The following AMMECR1 variants were observed in gnomAD, a reference collection of about 807,000 sequenced individuals.
The protein encoded by AMMECR1 is AMMECR nuclear protein 1, also known as nuclear protein AMMECR1.
AMMECR1 carries 3 observed loss-of-function variants against 22.5 expected under a neutral mutation model. The ratio of observed to expected loss-of-function variants is 0.13; its 90% CI spans 0.06 to 0.35. The LOEUF (loss-of-function observed/expected upper bound fraction) is 0.35. AMMECR1 is among the 10% of genes least tolerant of loss of function. The pLI, the probability that AMMECR1 is intolerant of heterozygous loss-of-function variation, is 1.00. For missense variants in AMMECR1, 235 were observed against 278.7 expected (o/e 0.84, Z 1.12); for synonymous variants, 130 against 116.7 (o/e 1.11, Z -0.74).
intron 3 of AMMECR1, among the ~76,000 whole-genome samples, chrX:110,212,503 T>C (rs2067452474): frequency 8.9e-6 from 1 of 112,267 alleles, no homozygotes; most frequent in African/African-American, 3.2e-5. Context: ...TAGAAGCTTC[T>C]GTTTGTATAA....
chrX:110,248,255 A>G (rs1216189613), intron 2 of AMMECR1, among the ~76,000 whole-genome samples: 1 of 110,634 alleles, frequency 9.0e-6, no homozygotes, highest in Non-Finnish European at 1.9e-5. Flanking sequence ...GTATAGTGGT[A>G]TGCACCTGTA....
Position 110,381,876 on chromosome X carries a change from A to C in AMMECR1, c.-148+44782T>G, listed in dbSNP as rs1009420331. ...CTATACCTTGGGTACACATGGACAT[A>C]AAGATGAGAACAATAGACATTAAGG... On this transcript the variant is annotated intron_variant, in intron 2 of 7. Coordinates refer to the AMMECR1 transcript ENST00000372057. Among the ~76,000 whole-genome samples the C allele has an allele frequency of 2.7e-5, 3 of 111,338 alleles. No homozygotes were observed. In the Admixed American group the frequency reaches 2.9e-4, roughly 11 times the overall value.
intron 1 of AMMECR1, among the ~76,000 whole-genome samples, chrX:110,294,306 A>G (rs750832661): frequency 2.7e-5 from 3 of 111,869 alleles, no homozygotes; most frequent in South Asian, 7.4e-4. Context: ...CCCTTCCTCA[A>G]TCATGTACAG....
At chrX:110,252,209 A>G in intron 2 of AMMECR1, among the ~76,000 whole-genome samples, 1 of 111,260 alleles carries the variant, frequency 9.0e-6, no homozygotes, top group Non-Finnish European at 1.9e-5. Context: ...TCACAACTAG[A>G]ACCCAGATAT....
At chrX:110,292,562 G>T (rs2067914411) in intron 1 of AMMECR1, among the ~76,000 whole-genome samples, 1 of 112,342 alleles carries the variant, frequency 8.9e-6, no homozygotes, top group South Asian at 3.6e-4. Flanking sequence ...GCCATGAAAA[G>T]ATGGAGAAGA....
At chrX:110,420,895 C>A (rs947829490) in intron 2 of AMMECR1, among the ~76,000 whole-genome samples, 2 of 111,464 alleles carry the variant, frequency 1.8e-5, no homozygotes, top group South Asian at 7.6e-4. Flanking sequence ...CCTACTGTGC[C>A]CCGTCCATCA....
chrX:110,215,472 TA>T (rs1239495542), intron 3 of AMMECR1, among the ~76,000 whole-genome samples: 1 of 112,122 alleles, frequency 8.9e-6, no homozygotes, highest in African/African-American at 3.2e-5. Context: ...TCAAGTCTAA[TA>T]AACTGTGAAG....
intron 2 of AMMECR1, among the ~76,000 whole-genome samples, chrX:110,421,283 T>G (rs973344707): frequency 8.9e-6 from 1 of 112,685 alleles, no homozygotes; most frequent in Non-Finnish European, 1.9e-5. Context: ...AGGTGAGAGA[T>G]GCTTGCTTTT....
intron 1 of AMMECR1, among the ~76,000 whole-genome samples, chrX:110,293,904 G>T (rs1351476873): frequency 9.0e-6 from 1 of 110,933 alleles, no homozygotes; most frequent in Non-Finnish European, 1.9e-5. Flanking sequence ...ACCTATATAA[G>T]GCACTTACTT....
At chrX:110,416,339 C>T (rs2068677300) in intron 2 of AMMECR1, among the ~76,000 whole-genome samples, 2 of 112,121 alleles carry the variant, frequency 1.8e-5, no homozygotes, top group South Asian at 3.7e-4. Flanking sequence ...TTTGATTTAA[C>T]GAACCGTTGT....
chrX:110,345,571 A>G (rs1348521028), intron 2 of AMMECR1, among the ~76,000 whole-genome samples: 7 of 110,174 alleles, frequency 6.4e-5, no homozygotes, highest in Non-Finnish European at 9.5e-5. Context: ...GGAACAACAG[A>G]CACTGCAGAG....
intron 1 of AMMECR1, among the ~76,000 whole-genome samples, chrX:110,433,449 G>T (rs1447136059): frequency 9.0e-6 from 1 of 111,641 alleles, no homozygotes; most frequent in Non-Finnish European, 1.9e-5. Context: ...GAGAGGATGG[G>T]AGGATGACTA....
At chrX:110,378,395 C>T (rs896415568) in intron 2 of AMMECR1, among the ~76,000 whole-genome samples, 1 of 111,590 alleles carries the variant, frequency 9.0e-6, no homozygotes, top group Non-Finnish European at 1.9e-5. Context: ...CATCCAATCT[C>T]CCCATATCCA....
At chrX:110,247,129 C>T (rs1391340710) in intron 2 of AMMECR1, among the ~76,000 whole-genome samples, 4 of 112,478 alleles carry the variant, frequency 3.6e-5, no homozygotes, top group Non-Finnish European at 7.5e-5. Flanking sequence ...TCAACTACAT[C>T]ATTAATTTGC....
At chrX:110,326,052 C>T (rs775962988) in intron 2 of AMMECR1, among the ~76,000 whole-genome samples, 39 of 111,110 alleles carry the variant, frequency 3.5e-4, no homozygotes, top group Middle Eastern at 4.6e-3. Flanking sequence ...TGCAGTGGTG[C>T]GATCTCAGCT....
At chrX:110,269,102 T>A (rs1214501422) in intron 1 of AMMECR1, among the ~76,000 whole-genome samples, 2 of 111,635 alleles carry the variant, frequency 1.8e-5, no homozygotes, top group Non-Finnish European at 3.8e-5. Flanking sequence ...AGATGATGAA[T>A]CCTCCCTGCC....
rs186614874 is a variant in AMMECR1 at position 110,342,433 on chromosome X, G to A, written c.-147-24584C>T. 9.3e-3 allele frequency among the ~76,000 whole-genome samples: 1,033 copies of A among 110,804 alleles called. 15 individuals are homozygous for A. Among genetic ancestry groups the A allele is most frequent in the African/African-American group, 0.031 (952 of 30,413 alleles). ...TCACCCAGGCTGGAGTGCAGTGGCC[G>A]CAATCTCAGCTCACTGCACCCTCCG... is the stretch of plus-strand genomic sequence containing the variant. On this transcript the variant is annotated intron_variant, in intron 2 of 7. Transcript: ENST00000372057.
intron 2 of AMMECR1, among the ~76,000 whole-genome samples, chrX:110,217,048 ATGTG>A (rs764255637): frequency 9.1e-6 from 1 of 109,752 alleles, no homozygotes. Flanking sequence ...GTGTGTGTAT[ATGTG>A]TGTGTGTATG....
At chrX:110,306,192 G>A (rs1470933391) in intron 1 of AMMECR1, among the ~76,000 whole-genome samples, 1 of 107,798 alleles carries the variant, frequency 9.3e-6, no homozygotes, top group Non-Finnish European at 1.9e-5. Flanking sequence ...CTACTCGGGA[G>A]GCTGAGGCAG....
Sources: allele counts gnomAD v4.1 joint callset (sites outside exome capture counted in the v4.1 genomes callset), GRCh38; gene constraint gnomAD v4.1.1; transcripts MANE v1.5; gene names NCBI Gene and HGNC (gene_info 2026-07-23, HGNC 2026-07-21).